The following FAM184B variants were observed in gnomAD, a reference collection of about 807,000 sequenced individuals.
FAM184B encodes the protein protein FAM184B.
In FAM184B, 111 loss-of-function variants were observed where a neutral mutation model predicts 135.9. That is an observed-to-expected ratio of 0.82 (90% CI 0.70 to 0.96). FAM184B has a LOEUF of 0.96. Among genes scored for constraint, FAM184B ranks in the 40% least tolerant of loss-of-function variants. The pLI is 0.00. For synonymous variants in FAM184B, 552 were observed against 524.8 expected (o/e 1.05, Z -0.71); for missense variants, 1,375 against 1,323.9 (o/e 1.04, Z -0.60).
intron 1 of FAM184B, among the ~76,000 whole-genome samples, chr4:17,748,158 G>GT (rs1333673856): frequency 6.8e-6 from 1 of 146,350 alleles, no homozygotes; most frequent in Non-Finnish European, 1.5e-5. Flanking sequence ...AATGCCATTT[G>GT]TTTTTTTCTT....
intron 1 of FAM184B, among the ~76,000 whole-genome samples, chr4:17,722,096 T>C (rs1470245689): frequency 6.6e-6 from 1 of 151,898 alleles, no homozygotes; most frequent in Non-Finnish European, 1.5e-5. Context: ...TCACTGGGTG[T>C]GGAGAGGGGG....
chr4:17,730,250 A>T (rs1024518575), intron 1 of FAM184B, among the ~76,000 whole-genome samples: 3 of 152,210 alleles, frequency 2.0e-5, no homozygotes, highest in African/African-American at 7.2e-5. Context: ...ATCCTCCAAG[A>T]AATATGGGAC....
Position 17,630,791 on chromosome 4 carries a change from TA to T in FAM184B, c.*1740del, listed in dbSNP as rs1426145474. ...TATATGTAATCAGCTTTTTTTTTTT[TA>T]AGATGGTGTGATTGAGGTTAATGTG... On this transcript the variant is annotated 3_prime_UTR_variant, in exon 18 of 18. Coordinates refer to ENST00000265018, the MANE Select transcript of FAM184B (RefSeq NM_015688.2). The T allele has an allele frequency of 6.8e-6, 1 of 147,848 alleles. No homozygotes were observed. The highest frequency in any genetic ancestry group is 1.5e-5 in the Non-Finnish European group (1 of 66,570). The allele number at this position is 147,848 out of a possible 1,614,324, so 9.2% of individuals were successfully genotyped here.
intron 1 of FAM184B, among the ~76,000 whole-genome samples, chr4:17,751,823 GCA>G (rs3222789): frequency 0.15 from 17,048 of 115,668 alleles, 1,137 homozygotes; most frequent in Middle Eastern, 0.18. Context: ...TAAAAACAAG[GCA>G]CACACACACA....
chr4:17,665,898 G>GC (rs139901488), intron 7 of FAM184B, among the ~76,000 whole-genome samples: 44,956 of 149,656 alleles, frequency 0.3, 7,276 homozygotes, highest in South Asian at 0.39. Context: ...TCCTCCCCCC[G>GC]CCCCCCAGTT....
At chr4:17,702,774 C>T (rs1346296668) in intron 5 of FAM184B, among the ~76,000 whole-genome samples, 1 of 152,192 alleles carries the variant, frequency 6.6e-6, no homozygotes, top group Non-Finnish European at 1.5e-5. Flanking sequence ...CATTCAGGGT[C>T]AGGTGTGGCT....
chr4:17,663,090 C>T (rs908343836), intron 8 of FAM184B, among the ~76,000 whole-genome samples: 1 of 152,182 alleles, frequency 6.6e-6, no homozygotes, highest in Non-Finnish European at 1.5e-5. Context: ...CATGTGCCAC[C>T]ACGCTCAGCT....
chr4:17,733,240 G>A (rs1178231469), intron 1 of FAM184B, among the ~76,000 whole-genome samples: 1 of 152,124 alleles, frequency 6.6e-6, no homozygotes, highest in African/African-American at 2.4e-5. Context: ...ATACTGAATG[G>A]GTAAAAACTG....
In FAM184B at chr4:17,642,117, G is replaced by T. The variant is rs1577243072; in HGVS notation, c.2458C>A (p.Arg820=). Residue 820 remains arginine, a synonymous_variant, in exon 13 of 18, where the codon CGG becomes AGG. Transcript: ENST00000265018. ...ENAQLQDAVR[R]LRAEVEQHQQ... ...TGCTGCTCCACCTCCGCGCGCAGCC[G>T]CCGCACCGCGTCCTGGAGCTGCGCG... The T allele has an allele frequency of 4.6e-6, 7 of 1,532,630 alleles. No homozygotes were observed. Among genetic ancestry groups the T allele is most frequent in the Non-Finnish European group, 6.1e-6 (7 of 1,145,236 alleles). 94.9% of individuals were successfully genotyped at this position (1,532,630 alleles called of 1,614,324 possible).
chr4:17,709,063 G>A lies in FAM184B; in HGVS notation c.723C>T (p.Ser241=). ...AIRQAMQQSV[S]QALWQWQEKE... ...TCTCCTGCCACTGCCACAGGGCCTG[G>A]CTCACCGACTGCTGCATGGCCTGCC... is the stretch of plus-strand genomic sequence containing the variant. The change falls in exon 2 of 18, where the codon AGC becomes AGT. Residue 241 remains serine, a synonymous_variant. Transcript: ENST00000265018. 4 of 1,550,222 alleles carry A rather than the reference G, an allele frequency of 2.6e-6. No homozygotes were observed. Among genetic ancestry groups the A allele is most frequent in the Non-Finnish European group, 3.5e-6 (4 of 1,146,970 alleles).
chr4:17,649,004 G>C lies in FAM184B; in HGVS notation c.2192-1213C>G, dbSNP rs376983406. Among the ~76,000 whole-genome samples the C allele has an allele frequency of 5.9e-5, 9 of 152,294 alleles. No individual in the cohort carries two copies. The East Asian group carries it at 7.7e-4, about 13-fold the overall frequency. On this transcript the variant is annotated intron_variant, in intron 11 of 17. Transcript: ENST00000265018. ...ATACTTTTTAAGTGCTTGTAAATTT[G>C]ATACTTCACTTTTCTGTAATGAGCT...
intron 7 of FAM184B, among the ~76,000 whole-genome samples, chr4:17,680,880 A>T (rs995750240): frequency 2.0e-5 from 3 of 152,186 alleles, no homozygotes; most frequent in African/African-American, 7.2e-5. Flanking sequence ...ACGCCCAGGA[A>T]ATCTCCTAGA....
intron 8 of FAM184B, among the ~76,000 whole-genome samples, chr4:17,663,118 G>T (rs574149314): frequency 2.6e-5 from 4 of 151,980 alleles, no homozygotes; most frequent in Non-Finnish European, 5.9e-5. Context: ...GTATTTTTTT[G>T]TAGAGACAGG....
rs1341066349 is a variant in FAM184B at position 17,630,050 on chromosome 4, T to C, written c.*2482A>G. On this transcript the variant is annotated 3_prime_UTR_variant, in exon 18 of 18. Transcript: ENST00000265018. Reference sequence around the variant, plus strand: ...AGAAATTTAAGACTGAAAGATCTTTTCAGTCACCTGCAGCAAGAAAGGAGT... The same window carrying C: ...AGAAATTTAAGACTGAAAGATCTTTCCAGTCACCTGCAGCAAGAAAGGAGT... 1.3e-5 allele frequency: 2 copies of C among 152,348 alleles called. No homozygotes were observed. The highest frequency in any genetic ancestry group is 1.9e-4 in the East Asian group (1 of 5,188). The allele number at this position is 152,348 out of a possible 1,614,324, so 9.4% of individuals were successfully genotyped here.
intron 1 of FAM184B, among the ~76,000 whole-genome samples, chr4:17,733,845 A>T (rs1253280369): frequency 6.6e-6 from 1 of 152,174 alleles, no homozygotes; most frequent in African/African-American, 2.4e-5. Context: ...GTTCATATGG[A>T]TCCAAAAAAG....
intron 1 of FAM184B, among the ~76,000 whole-genome samples, chr4:17,745,162 G>T (rs1718132646): frequency 6.6e-6 from 1 of 152,216 alleles, no homozygotes; most frequent in Non-Finnish European, 1.5e-5. Flanking sequence ...ATGGGGCCAG[G>T]CATTGGAGAG....
intron 1 of FAM184B, among the ~76,000 whole-genome samples, chr4:17,740,769 C>T (rs867117596): frequency 3.9e-5 from 6 of 152,240 alleles, no homozygotes; most frequent in East Asian, 1.9e-4. Context: ...CCTCCAGGCC[C>T]CCAAGTGCTT....
chr4:17,753,389 T>C (rs943458764), intron 1 of FAM184B, among the ~76,000 whole-genome samples: 4 of 152,232 alleles, frequency 2.6e-5, no homozygotes, highest in Non-Finnish European at 5.9e-5. Flanking sequence ...TAGAAACTTC[T>C]CTGTATGTAT....
chr4:17,695,332 TA>T (rs1244842160), intron 5 of FAM184B, among the ~76,000 whole-genome samples: 4 of 151,874 alleles, frequency 2.6e-5, no homozygotes, highest in South Asian at 2.1e-4. Context: ...CCAGCTAATT[TA>T]AAAAAAAATT....
Sources: allele counts gnomAD v4.1 joint callset (sites outside exome capture counted in the v4.1 genomes callset), GRCh38; gene constraint gnomAD v4.1.1; transcripts MANE v1.5; gene names NCBI Gene and HGNC (gene_info 2026-07-23, HGNC 2026-07-21).